Variants in CNTRL observed in about 807,000 individuals in gnomAD.
CNTRL encodes 110 kDa centrosomal protein.
A neutral mutation model predicts 303.7 loss-of-function variants in CNTRL; 233 were observed. That is an observed-to-expected ratio of 0.77 (90% CI 0.69 to 0.86). The LOEUF is 0.86. Among genes scored for constraint, CNTRL ranks in the 40% least tolerant of loss-of-function variants. The pLI, the probability that CNTRL is intolerant of heterozygous loss-of-function variation, is 0.00. For synonymous variants in CNTRL, 900 were observed against 922.2 expected, an observed-to-expected ratio of 0.98 and a Z score of 0.44; for missense variants, 2,524 against 2,650.6, an observed-to-expected ratio of 0.95 and a Z score of 1.05.
chr9:121,154,817 C>T lies in CNTRL; in HGVS notation c.4269C>T (p.Cys1423=), dbSNP rs1588286637. The change falls in exon 27 of 44, where the codon TGC becomes TGT. Residue 1423 remains cysteine, a synonymous_variant. Transcript: ENST00000373855. The stretch of plus-strand genomic sequence containing the variant: ...AAGATATTGTAGATGAAATTGAGTG[C>T]ATTGAGAAGACTCTTCTGAAACGTC... ...HHEDIVDEIE[C]IEKTLLKRRS... 1.2e-6 allele frequency: 2 copies of T among 1,613,094 alleles called. No homozygotes were observed. The highest frequency in any genetic ancestry group is 4.5e-5 in the East Asian group (2 of 44,872).
chr9:121,118,624 C>T, intron 12 of CNTRL, 84 bp downstream of exon 12: 1 of 1,163,020 alleles, frequency 8.6e-7, no homozygotes, highest in Non-Finnish European at 1.2e-6. Context: ...AGAGTCCTTT[C>T]TGAAAGTCTG....
At chr9:121,106,166 C>T (rs2049457790) in intron 7 of CNTRL, among the ~76,000 whole-genome samples, 1 of 151,828 alleles carries the variant, frequency 6.6e-6, no homozygotes, top group African/African-American at 2.4e-5. Context: ...TGGCAAAACC[C>T]CATCTCTACT....
At chr9:121,169,187 G>GT (rs1313646934) in intron 38 of CNTRL, among the ~76,000 whole-genome samples, 1 of 152,254 alleles carries the variant, frequency 6.6e-6, no homozygotes, top group Non-Finnish European at 1.5e-5. Context: ...TCATGCCAGT[G>GT]TAGGAGCCAG....
chr9:121,079,984 C>T (rs2048077535), intron 1 of CNTRL, among the ~76,000 whole-genome samples: 1 of 152,160 alleles, frequency 6.6e-6, no homozygotes. Context: ...GTTCCTCAAC[C>T]TCCCAAGTAG....
At chr9:121,152,810 C>A in intron 26 of CNTRL, 117 bp downstream of exon 26, 1 of 779,312 alleles carries the variant, frequency 1.3e-6, no homozygotes, top group Non-Finnish European at 2.1e-6. Flanking sequence ...ACAGTAACCA[C>A]TAGCTCAGTG....
In CNTRL at chr9:121,107,819, G is replaced by T; in HGVS notation, c.826G>T (p.Glu276Ter). The T allele has an allele frequency of 6.3e-7, 1 of 1,579,796 alleles. No individual in the cohort carries two copies. Among genetic ancestry groups the T allele is most frequent in the Non-Finnish European group, 8.6e-7 (1 of 1,168,900 alleles). The change falls in exon 8 of 44, where the codon GAA becomes TAA. Residue 276 changes from glutamate to a stop codon, truncating the protein, a stop_gained. Transcript: ENST00000373855. LOFTEE classifies it high-confidence loss of function. Reference protein sequence around the residue: ...RFSLEEVERLERDLEKKMIET... With the variant: ...RFSLEEVERL Reference sequence around the variant, plus strand: ...ATTGGCAGAAGAGGTAGAAAGACTGGAAAGAGACCTAGAAAAAAAGATGAT... The same window carrying T: ...ATTGGCAGAAGAGGTAGAAAGACTGTAAAGAGACCTAGAAAAAAAGATGAT...
chr9:121,095,772 G>T (rs2048865819), intron 5 of CNTRL, among the ~76,000 whole-genome samples: 1 of 152,156 alleles, frequency 6.6e-6, no homozygotes, highest in African/African-American at 2.4e-5. Context: ...TGAAAGTAGA[G>T]AAGCTTAGAA....
At chr9:121,141,671 C>A in intron 18 of CNTRL, 83 bp downstream of exon 18, 2 of 1,199,604 alleles carry the variant, frequency 1.7e-6, no homozygotes, top group South Asian at 2.6e-5. Context: ...CTTCCTTTGT[C>A]ATGTAAATAC....
rs780186882 is a variant in CNTRL at position 121,088,292 on chromosome 9, A to G, written c.-31-4A>G. Reference sequence around the variant, plus strand: ...CTTGTTGAATATACTGAAAACTCTTACAGGTTTTGATGAACACCTGGCTTT... The same window carrying G: ...CTTGTTGAATATACTGAAAACTCTTGCAGGTTTTGATGAACACCTGGCTTT... On this transcript the variant is annotated splice_region_variant and splice_polypyrimidine_tract_variant and intron_variant, in intron 2 of 43. Coordinates refer to ENST00000373855, the MANE Select transcript of CNTRL (RefSeq NM_007018.6). 3.1e-5 allele frequency: 40 copies of G among 1,311,440 alleles called. No homozygotes were observed. The East Asian group carries it at 8.8e-4, about 29-fold the overall frequency. 81.2% of individuals were successfully genotyped at this position (1,311,440 alleles called of 1,614,324 possible). A position where few individuals can be genotyped will look rare whatever the true frequency, so the allele number is the denominator to read the frequency against.
rs2051452104 is a variant in CNTRL, at chr9:121,140,630, C to T, written c.2338-11C>T. 1 of 1,596,744 alleles carries T rather than the reference C, an allele frequency of 6.3e-7. No individual in the cohort carries two copies. Among genetic ancestry groups the T allele is most frequent in the Non-Finnish European group, 8.6e-7 (1 of 1,169,568 alleles). On this transcript the variant is annotated splice_polypyrimidine_tract_variant and intron_variant, in intron 16 of 43. Coordinates refer to ENST00000373855, the MANE Select transcript of CNTRL (RefSeq NM_007018.6). ...TGTAATAGATAATCCCTATTTCATC[C>T]CCCTCCATAGGATGACAATAATCTG...
chr9:121,143,029 G>A (rs2051610244), intron 19 of CNTRL, among the ~76,000 whole-genome samples: 1 of 151,836 alleles, frequency 6.6e-6, no homozygotes, highest in Non-Finnish European at 1.5e-5. Context: ...GGTTGTTCCT[G>A]GAGAAAAAAG....
Position 121,167,623 on chromosome 9 carries a change from A to C in CNTRL, c.5790A>C (p.Gln1930His). The change falls in exon 37 of 44, where the codon CAA becomes CAC. Residue 1930 changes from glutamine to histidine, a missense_variant. Physicochemically the swap from Gln to His is conservative, Grantham distance 24. Coordinates refer to ENST00000373855, the MANE Select transcript of CNTRL (RefSeq NM_007018.6). The part of the protein sequence containing the change: ...KEEETKQQQL[Q>H]VLQNEIEENK... Reference sequence around the variant, plus strand: ...AGGAGACAAAACAACAACAACTTCAAGTGCTTCAGAATGAGATTGAAGAAA... The same window carrying C: ...AGGAGACAAAACAACAACAACTTCACGTGCTTCAGAATGAGATTGAAGAAA... The C allele has an allele frequency of 6.2e-7, 1 of 1,614,212 alleles. No individual in the cohort carries two copies.
intron 5 of CNTRL, among the ~76,000 whole-genome samples, chr9:121,095,263 T>A (rs1014045869): frequency 4.6e-5 from 7 of 152,184 alleles, no homozygotes; most frequent in Admixed American, 3.3e-4. Context: ...GAGCACCAAA[T>A]TGTATCTTAA....
chr9:121,131,581 A>G (rs986124440), intron 14 of CNTRL, among the ~76,000 whole-genome samples: 9 of 152,132 alleles, frequency 5.9e-5, no homozygotes, highest in African/African-American at 2.2e-4. Context: ...TTGACTCTTT[A>G]TCCAATTTGC....
chr9:121,156,657 C>T (rs2052586196), intron 27 of CNTRL, among the ~76,000 whole-genome samples: 1 of 152,082 alleles, frequency 6.6e-6, no homozygotes, highest in Non-Finnish European at 1.5e-5. Flanking sequence ...AGGTGAGTCA[C>T]TGCTCAACCA....
At chr9:121,168,871 T>C (rs1385695592) in intron 38 of CNTRL, among the ~76,000 whole-genome samples, 9 of 152,164 alleles carry the variant, frequency 5.9e-5, no homozygotes. Context: ...TTGGAAAATG[T>C]TGTGGGCTTG....
chr9:121,092,162 A>C (rs1588070280), intron 4 of CNTRL, among the ~76,000 whole-genome samples: 1 of 147,160 alleles, frequency 6.8e-6, no homozygotes, highest in African/African-American at 2.5e-5. Flanking sequence ...TTATATATAA[A>C]TATATACATA....
chr9:121,086,525 T>G (rs2132181623), intron 2 of CNTRL, among the ~76,000 whole-genome samples: 1 of 152,052 alleles, frequency 6.6e-6, no homozygotes, highest in Admixed American at 6.5e-5. Flanking sequence ...GAGCCCACAA[T>G]TGAGGGAACG....
intron 8 of CNTRL, 64 bp downstream of exon 8, chr9:121,108,059 G>A: frequency 8.7e-7 from 1 of 1,155,876 alleles, no homozygotes. Context: ...TTTGCCCTTG[G>A]GTCTAAAAAT....
Sources: allele counts gnomAD v4.1 joint callset (sites outside exome capture counted in the v4.1 genomes callset), GRCh38; gene constraint gnomAD v4.1.1; transcripts MANE v1.5; gene names NCBI Gene and HGNC (gene_info 2026-07-23, HGNC 2026-07-21).